DPYSL2: variants seen among roughly 807,000 people sequenced by gnomAD.
DPYSL2 encodes dihydropyrimidinase like 2.
A neutral mutation model predicts 69.9 loss-of-function variants in DPYSL2; 13 were observed. That is an observed-to-expected ratio of 0.19 (90% CI 0.12 to 0.30). The LOEUF is 0.30. DPYSL2 is among the 10% of genes least tolerant of loss of function. The pLI, the probability that DPYSL2 is intolerant of heterozygous loss-of-function variation, is 1.00. For missense variants in DPYSL2, 587 were observed against 918.9 expected (o/e 0.64, Z 4.67); for synonymous variants, 326 against 359.1 (o/e 0.91, Z 1.04).
rs1200548578 is a variant in DPYSL2 at position 26,624,604 on chromosome 8, A to T, written c.793+297A>T. Reference sequence around the variant, plus strand: ...TTGGTTTGTGAGCACCGTGCTCTCTAGCCAGGGTGGGGAGTTGAGGCTGCT... The same window carrying T: ...TTGGTTTGTGAGCACCGTGCTCTCTTGCCAGGGTGGGGAGTTGAGGCTGCT... On this transcript the variant is annotated intron_variant, in intron 4 of 13. Coordinates refer to ENST00000521913, the MANE Select transcript of DPYSL2 (RefSeq NM_001197293.3). This position sits in a 1 kb window ranked among gnomAD's most constrained non-coding sequence, Gnocchi z 4.7. Among the ~76,000 whole-genome samples the T allele has an allele frequency of 6.6e-5, 10 of 152,200 alleles. No individual in the cohort carries two copies. Among genetic ancestry groups the T allele is most frequent in the Non-Finnish European group, 8.8e-5 (6 of 68,028 alleles).
intron 8 of DPYSL2, among the ~76,000 whole-genome samples, chr8:26,636,344 C>T (rs987851952): frequency 2.0e-5 from 3 of 152,212 alleles, no homozygotes; most frequent in African/African-American, 7.2e-5. Context: ...CACAGCACTG[C>T]TGCCCCCACG....
At chr8:26,541,897 A>C (rs1800690267) in intron 1 of DPYSL2, among the ~76,000 whole-genome samples, 1 of 152,242 alleles carries the variant, frequency 6.6e-6, no homozygotes, top group African/African-American at 2.4e-5. Context: ...TGCAAGACAA[A>C]TAGAAAATAA....
At chr8:26,529,260 CTATCTATCTATCTATCATCTATCT>C (rs1311277313) in intron 1 of DPYSL2, among the ~76,000 whole-genome samples, 5 of 149,014 alleles carry the variant, frequency 3.4e-5, no homozygotes, top group East Asian at 2.0e-4. Context: ...ATCTATCTAT[CTATCTATCTATCTATCATCTATCT>C]ATCTATCTAT....
At position 26,626,574 on chromosome 8, in the gene DPYSL2, G is replaced by A. The variant is rs1368766842; in HGVS notation, c.794-43G>A. Reference sequence around the variant, plus strand: ...TTCTTATCCCTTATTTGGTTATTTGGTTTATCTATTAAAAGTCCACTTCTC... The same window carrying A: ...TTCTTATCCCTTATTTGGTTATTTGATTTATCTATTAAAAGTCCACTTCTC... On this transcript the variant is annotated intron_variant, in intron 4 of 13. Coordinates refer to ENST00000521913, the MANE Select transcript of DPYSL2 (RefSeq NM_001197293.3). The surrounding 1 kb of genome is among the most constrained non-coding windows in gnomAD (Gnocchi z 4.3). 1.9e-6 allele frequency: 3 copies of A among 1,583,684 alleles called. No individual in the cohort carries two copies. The highest frequency in any genetic ancestry group is 2.7e-5 in the African/African-American group (2 of 73,902).
Position 26,614,168 on chromosome 8 carries a change from G to A in DPYSL2, c.629-9975G>A, listed in dbSNP as rs1158672148. On this transcript the variant is annotated intron_variant, in intron 3 of 13. Coordinates refer to ENST00000521913, the MANE Select transcript of DPYSL2 (RefSeq NM_001197293.3). This position sits in a 1 kb window ranked among gnomAD's most constrained non-coding sequence, Gnocchi z 4.9. The stretch of plus-strand genomic sequence containing the variant: ...AAGATAAAAAATAAAGAAAATGAGG[G>A]TGGAGGAAGAAGAGCCAGCGGAAGA... 6.6e-6 allele frequency among the ~76,000 whole-genome samples: 1 copy of A among 151,918 alleles called. No individual in the cohort carries two copies. Among genetic ancestry groups the A allele is most frequent in the African/African-American group, 2.4e-5 (1 of 41,388 alleles).
chr8:26,579,965 C>G (rs964655089), intron 1 of DPYSL2, among the ~76,000 whole-genome samples: 6 of 92,346 alleles, frequency 6.5e-5, no homozygotes, highest in African/African-American at 1.5e-4. Flanking sequence ...CCCCCCCCCC[C>G]ACACCCTTTA....
rs1194494309 is a variant in DPYSL2, at chr8:26,655,604, T to C, written c.1943-11T>C. The C allele has an allele frequency of 1.3e-6, 2 of 1,595,504 alleles. No homozygotes were observed. The highest frequency in any genetic ancestry group is 8.6e-7 in the Non-Finnish European group (1 of 1,167,096). On this transcript the variant is annotated splice_polypyrimidine_tract_variant and intron_variant, in intron 13 of 13. Coordinates refer to ENST00000521913, the MANE Select transcript of DPYSL2 (RefSeq NM_001197293.3). ...CCCCTCACCCGCTCCTCTCTTCTCCTCTCCCTCCAGGTGCTCAGATTGATG... is the reference window on the plus strand; with the variant it reads ...CCCCTCACCCGCTCCTCTCTTCTCCCCTCCCTCCAGGTGCTCAGATTGATG...
rs1376231882 is a variant in DPYSL2 at position 26,605,443 on chromosome 8, A to G, written c.629-18700A>G. Among the ~76,000 whole-genome samples the G allele has an allele frequency of 6.6e-6, 1 of 151,814 alleles. No individual in the cohort carries two copies. The highest frequency in any genetic ancestry group is 1.5e-5 in the Non-Finnish European group (1 of 67,946). On this transcript the variant is annotated intron_variant, in intron 3 of 13. Transcript: ENST00000521913. The surrounding 1 kb of genome is among the most constrained non-coding windows in gnomAD (Gnocchi z 4.1). Reference sequence around the variant, plus strand: ...GTAGCCAGGATTACATGCACCCACTACCACACCCAGCTAATTTTTATATTT... The same window carrying G: ...GTAGCCAGGATTACATGCACCCACTGCCACACCCAGCTAATTTTTATATTT...
intron 1 of DPYSL2, among the ~76,000 whole-genome samples, chr8:26,555,290 A>G (rs1319195175): frequency 6.6e-6 from 1 of 152,156 alleles, no homozygotes; most frequent in Non-Finnish European, 1.5e-5. Flanking sequence ...AGGTATATAG[A>G]TTAGGAAGGA....
At chr8:26,555,446 C>G (rs956324120) in intron 1 of DPYSL2, among the ~76,000 whole-genome samples, 1 of 152,014 alleles carries the variant, frequency 6.6e-6, no homozygotes, top group African/African-American at 2.4e-5. Flanking sequence ...AATTGGTTTT[C>G]TATATACCAG....
At chr8:26,649,715 C>T (rs1803244567) in intron 11 of DPYSL2, among the ~76,000 whole-genome samples, 1 of 152,142 alleles carries the variant, frequency 6.6e-6, no homozygotes. Context: ...TATCGACAGC[C>T]CTGTTGCTAA....
intron 1 of DPYSL2, among the ~76,000 whole-genome samples, chr8:26,563,396 GA>G (rs1367684370): frequency 5.9e-5 from 9 of 152,152 alleles, no homozygotes; most frequent in Non-Finnish European, 8.8e-5. Flanking sequence ...CATTGAGTCA[GA>G]AACTTTGCTG....
rs529198818 is a variant in DPYSL2 at position 26,605,491 on chromosome 8, A to G, written c.629-18652A>G. Among the ~76,000 whole-genome samples the G allele has an allele frequency of 8.5e-4, 130 of 152,088 alleles. No homozygotes were observed. Among genetic ancestry groups the G allele is most frequent in the African/African-American group, 3.0e-3 (126 of 41,478 alleles). On this transcript the variant is annotated intron_variant, in intron 3 of 13. Transcript: ENST00000521913. The surrounding 1 kb of genome is among the most constrained non-coding windows in gnomAD (Gnocchi z 4.1). ...TTTTTAGTAGAGATGGGATTTCACC[A>G]TGTTGGCCAGGCTGGTCTTGAAATC...
At chr8:26,545,585 G>A (rs1392587442) in intron 1 of DPYSL2, among the ~76,000 whole-genome samples, 8 of 152,256 alleles carry the variant, frequency 5.3e-5, no homozygotes, top group African/African-American at 1.7e-4. Context: ...GGCCAACATG[G>A]TGAAACCCCA....
intron 1 of DPYSL2, among the ~76,000 whole-genome samples, chr8:26,576,314 T>C (rs952572661): frequency 6.6e-6 from 1 of 152,162 alleles, no homozygotes; most frequent in African/African-American, 2.4e-5. Flanking sequence ...TTATTCCGTA[T>C]TTATCTAGCT....
Position 26,593,370 on chromosome 8 carries a change from G to T in DPYSL2, c.628+9387G>T, listed in dbSNP as rs983916335. 6.6e-6 allele frequency among the ~76,000 whole-genome samples: 1 copy of T among 152,180 alleles called. No individual in the cohort carries two copies. Among genetic ancestry groups the T allele is most frequent in the Non-Finnish European group, 1.5e-5 (1 of 68,030 alleles). The stretch of plus-strand genomic sequence containing the variant: ...TTGAAAGCCTCAAGGTGATAGCTGG[G>T]ATTAAGAATCATGGATCCCAGTGCT... On this transcript the variant is annotated intron_variant, in intron 3 of 13. Transcript: ENST00000521913. This position sits in a 1 kb window ranked among gnomAD's most constrained non-coding sequence, Gnocchi z 5.7.
rs538940059 is a variant in DPYSL2, at chr8:26,597,101, C to T, written c.628+13118C>T. Among the ~76,000 whole-genome samples, 17 of 152,340 alleles carry T rather than the reference C, an allele frequency of 1.1e-4. No homozygotes were observed. The highest frequency in any genetic ancestry group is 4.1e-4 in the African/African-American group (17 of 41,578). The stretch of plus-strand genomic sequence containing the variant: ...CTACTAAGTGGGAGGCTGCACCCAG[C>T]ATGGAAGATGCTCACCAAGACGGTG... On this transcript the variant is annotated intron_variant, in intron 3 of 13. Transcript: ENST00000521913. This position sits in a 1 kb window ranked among gnomAD's most constrained non-coding sequence, Gnocchi z 5.2.
intron 1 of DPYSL2, among the ~76,000 whole-genome samples, chr8:26,579,615 G>C (rs920696): frequency 1.3e-5 from 2 of 152,076 alleles, no homozygotes; most frequent in South Asian, 4.1e-4. Context: ...ACCCATCCGC[G>C]GGAGAGAGAA....
chr8:26,599,091 T>G (rs1801934233), intron 3 of DPYSL2, among the ~76,000 whole-genome samples: 1 of 152,244 alleles, frequency 6.6e-6, no homozygotes, highest in African/African-American at 2.4e-5. Context: ...CAAGTCCTTT[T>G]AATGAAAGAT....
Sources: gnomAD v4.1 joint callset for allele counts (sites outside exome capture counted in the v4.1 genomes callset) on GRCh38, gnomAD v4.1.1 for gene constraint, Gnocchi (gnomAD v3.1) non-coding constraint, MANE v1.5 for transcripts, NCBI Gene and HGNC (gene_info 2026-07-23, HGNC 2026-07-21) for gene names.